Variants in CNTN1 observed in about 807,000 individuals in gnomAD.
CNTN1 encodes the protein contactin 1.
In CNTN1, 38 loss-of-function variants were observed where a neutral mutation model predicts 126.4. That is an observed-to-expected ratio of 0.30 (90% CI 0.23 to 0.39). The LOEUF is 0.39. Among genes scored for constraint, CNTN1 ranks in the 10% least tolerant of loss-of-function variants. The pLI, the probability that CNTN1 is intolerant of heterozygous loss-of-function variation, is 1.00. For synonymous variants in CNTN1, 413 were observed against 422.6 expected (o/e 0.98, Z 0.28); for missense variants, 1,009 against 1,248.4 (o/e 0.81, Z 2.89).
intron 1 of CNTN1, among the ~76,000 whole-genome samples, chr12:40,786,920 T>C (rs924398731): frequency 1.3e-5 from 2 of 152,168 alleles, no homozygotes; most frequent in African/African-American, 4.8e-5. Flanking sequence ...TATTCCCTTG[T>C]CCTTTAAATT....
At chr12:40,829,022 A>C (rs1941714519) in intron 1 of CNTN1, among the ~76,000 whole-genome samples, 1 of 152,180 alleles carries the variant, frequency 6.6e-6, no homozygotes, top group African/African-American at 2.4e-5. Flanking sequence ...CCACTACATA[A>C]GATCCAAATA....
intron 1 of CNTN1, among the ~76,000 whole-genome samples, chr12:40,871,409 T>C (rs139157013): frequency 6.6e-6 from 1 of 152,192 alleles, no homozygotes; most frequent in East Asian, 1.9e-4. Context: ...AGCAATTTTA[T>C]AGAGAGTAGA....
chr12:40,721,886 A>C (rs1326099662), intron 1 of CNTN1, among the ~76,000 whole-genome samples: 2 of 150,794 alleles, frequency 1.3e-5, no homozygotes, highest in African/African-American at 2.4e-5. Context: ...TGAACTCATC[A>C]TTTTTTATGG....
chr12:40,917,382 A>G (rs1406531969), intron 3 of CNTN1, among the ~76,000 whole-genome samples: 1 of 152,096 alleles, frequency 6.6e-6, no homozygotes, highest in Non-Finnish European at 1.5e-5. Context: ...TTTCAGGTAG[A>G]TTTTATTATC....
intron 1 of CNTN1, among the ~76,000 whole-genome samples, chr12:40,890,028 G>T (rs187328628): frequency 7.9e-5 from 12 of 152,082 alleles, no homozygotes; most frequent in Admixed American, 7.9e-4. Context: ...ATACTATATG[G>T]ATATTATCAA....
At chr12:40,749,482 A>T (rs1487206784) in intron 1 of CNTN1, among the ~76,000 whole-genome samples, 1 of 152,120 alleles carries the variant, frequency 6.6e-6, no homozygotes, top group Non-Finnish European at 1.5e-5. Flanking sequence ...CTCTGGGTAA[A>T]TAAGAGCCAG....
At chr12:40,961,443 A>T (rs1395086925) in intron 15 of CNTN1, among the ~76,000 whole-genome samples, 1 of 152,056 alleles carries the variant, frequency 6.6e-6, no homozygotes, top group Non-Finnish European at 1.5e-5. Flanking sequence ...TTTAATAATA[A>T]TGGTGAGCAA....
At chr12:40,890,815 C>A in intron 1 of CNTN1, among the ~76,000 whole-genome samples, 1 of 152,080 alleles carries the variant, frequency 6.6e-6, no homozygotes, top group South Asian at 2.1e-4. Context: ...ATCCTTGTGC[C>A]AGTTTTTGTA....
intron 1 of CNTN1, among the ~76,000 whole-genome samples, chr12:40,884,589 C>G (rs943228844): frequency 6.6e-6 from 1 of 151,348 alleles, no homozygotes; most frequent in African/African-American, 2.4e-5. Context: ...AAATATTAAT[C>G]ATTGCATCCA....
chr12:41,052,271 A>G (rs1373871793), intron 23 of CNTN1, among the ~76,000 whole-genome samples: 2 of 152,218 alleles, frequency 1.3e-5, no homozygotes, highest in South Asian at 2.1e-4. Flanking sequence ...TTGGATAAAG[A>G]CATTGGAAAC....
At chr12:40,956,800 G>T (rs368538336) in intron 14 of CNTN1, among the ~76,000 whole-genome samples, 1 of 152,026 alleles carries the variant, frequency 6.6e-6, no homozygotes, top group South Asian at 2.1e-4. Context: ...GGAGACAAGT[G>T]AGTTGGGCCC....
intron 1 of CNTN1, among the ~76,000 whole-genome samples, chr12:40,835,424 A>T (rs568198578): frequency 1.4e-4 from 21 of 152,278 alleles, no homozygotes; most frequent in African/African-American, 5.1e-4. Flanking sequence ...AGCAGAGAAG[A>T]TACTTCAATT....
intron 1 of CNTN1, among the ~76,000 whole-genome samples, chr12:40,737,235 C>T (rs36131108): frequency 0.063 from 9,519 of 150,520 alleles, 349 homozygotes; most frequent in Non-Finnish European, 0.08. Flanking sequence ...TAAATATTTA[C>T]ACTTGTATTA....
At chr12:40,815,511 C>T (rs1291417214) in intron 1 of CNTN1, among the ~76,000 whole-genome samples, 2 of 152,236 alleles carry the variant, frequency 1.3e-5, no homozygotes, top group East Asian at 3.9e-4. Context: ...TATCCTGAGA[C>T]TTTGCTGAAG....
chr12:41,016,820 A>G lies in CNTN1; in HGVS notation c.2323A>G (p.Ser775Gly), dbSNP rs754417023. The G allele has an allele frequency of 1.2e-6, 2 of 1,614,150 alleles. No individual in the cohort carries two copies. Among genetic ancestry groups the G allele is most frequent in the South Asian group, 1.1e-5 (1 of 91,090 alleles). Residue 775 changes from serine (S) to glycine (G), a missense_variant, in exon 19 of 24, where the codon AGC becomes GGC. Coordinates refer to ENST00000551295, the MANE Select transcript of CNTN1 (RefSeq NM_001843.4). ...ATATGTCCATAAAGATGAAACCATGAGCCCTTCCACTGCATTTCAAGTTAA... is the reference window on the plus strand; with the variant it reads ...ATATGTCCATAAAGATGAAACCATGGGCCCTTCCACTGCATTTCAAGTTAA... ...GRYVHKDETM[S>G]PSTAFQVKVK...
At chr12:40,848,003 C>A (rs1025970822) in intron 1 of CNTN1, among the ~76,000 whole-genome samples, 1 of 152,204 alleles carries the variant, frequency 6.6e-6, no homozygotes, top group Admixed American at 6.5e-5. Context: ...TGCCACTGAT[C>A]TGACAGGAGC....
At chr12:41,067,941 GAAT>G (rs1323672874) in intron 23 of CNTN1, among the ~76,000 whole-genome samples, 1 of 152,100 alleles carries the variant, frequency 6.6e-6, no homozygotes, top group Non-Finnish European at 1.5e-5. Context: ...AAAATTACAA[GAAT>G]ACAAAGATCT....
intron 23 of CNTN1, among the ~76,000 whole-genome samples, chr12:41,042,987 A>T (rs1219124802): frequency 1.3e-5 from 2 of 152,212 alleles, no homozygotes; most frequent in African/African-American, 2.4e-5. Flanking sequence ...TACACCTTAT[A>T]CAAAAATTAA....
chr12:40,864,510 C>A (rs186944850), intron 1 of CNTN1, among the ~76,000 whole-genome samples: 1 of 152,104 alleles, frequency 6.6e-6, no homozygotes, highest in Admixed American at 6.6e-5. Flanking sequence ...CCTCTTACCC[C>A]TGAGCAATCA....
Sources: gnomAD v4.1 joint callset for allele counts (sites outside exome capture counted in the v4.1 genomes callset) on GRCh38, gnomAD v4.1.1 for gene constraint, MANE v1.5 for transcripts, NCBI Gene and HGNC (gene_info 2026-07-23, HGNC 2026-07-21) for gene names.